The following SMARCC1 variants were observed in gnomAD, a reference collection of about 807,000 sequenced individuals.
SMARCC1 encodes SWI/SNF related BAF chromatin remodeling complex subunit C1.
In SMARCC1, 43 loss-of-function variants were observed where a neutral mutation model predicts 147.4. The observed-to-expected ratio is 0.29, with a 90% CI of 0.23 to 0.38. The LOEUF is 0.38. Ranked by LOEUF, SMARCC1 falls within the 10% of genes least tolerant of loss-of-function variation. The pLI is 1.00. For missense variants in SMARCC1, 1,119 were observed against 1,381.1 expected (o/e 0.81, Z 3.01); for synonymous variants, 495 against 484.4 (o/e 1.02, Z -0.29).
intron 20 of SMARCC1, 41 bp downstream of exon 20, chr3:47,662,293 T>C: frequency 6.4e-7 from 1 of 1,566,718 alleles, no homozygotes; most frequent in Non-Finnish European, 8.7e-7. Context: ...TGGGATAAAC[T>C]GAGTTTTTCT....
chr3:47,621,229 G>C (rs757830016), intron 25 of SMARCC1, among the ~76,000 whole-genome samples: 3 of 151,626 alleles, frequency 2.0e-5, no homozygotes, highest in African/African-American at 7.3e-5. Flanking sequence ...GAACCTAGGA[G>C]GCAGAGGTTG....
intron 23 of SMARCC1, 34 bp from the exon 24 acceptor site, chr3:47,635,378 C>T (rs776993997): frequency 5.0e-6 from 8 of 1,594,922 alleles, no homozygotes; most frequent in African/African-American, 4.1e-5. Context: ...TACTAGCGTG[C>T]CCACTCTCGA....
chr3:47,648,427 C>A (rs1472867578), intron 21 of SMARCC1, among the ~76,000 whole-genome samples: 1 of 152,100 alleles, frequency 6.6e-6, no homozygotes, highest in Non-Finnish European at 1.5e-5. Context: ...TGTTCTGTCA[C>A]CCAGGCTGGA....
chr3:47,765,754 A>C (rs1411450780), intron 2 of SMARCC1, among the ~76,000 whole-genome samples: 1 of 148,434 alleles, frequency 6.7e-6, no homozygotes, highest in Non-Finnish European at 1.5e-5. Context: ...TTTTTTTGAG[A>C]TGGAGTCTCA....
intron 1 of SMARCC1, among the ~76,000 whole-genome samples, chr3:47,774,255 G>C (rs960708256): frequency 1.3e-5 from 1 of 74,348 alleles, no homozygotes; most frequent in African/African-American, 5.1e-5. Context: ...TTTTTTTTTT[G>C]AGATGGGGTC....
In SMARCC1 at chr3:47,738,082, G is replaced by A; in HGVS notation, c.430C>T (p.Arg144Ter). 1 of 1,590,042 alleles carries A rather than the reference G, an allele frequency of 6.3e-7. No homozygotes were observed. Among genetic ancestry groups the A allele is most frequent in the African/African-American group, 1.4e-5 (1 of 73,432 alleles). The change falls in exon 4 of 28, where the codon CGA (arginine) becomes TGA (stop). Residue 144 changes from arginine (R) to a stop codon, truncating the protein, a stop_gained. Coordinates refer to ENST00000254480, the MANE Select transcript of SMARCC1 (RefSeq NM_003074.4). LOFTEE classifies it high-confidence loss of function. ...AACATTTCCACATTACGATCCATTC[G>A]AGATGGGTTCTGTAGGTCAAACCTC... ...WRRFDLQNPS[R>*]MDRNVEMFMN... is the part of the protein sequence containing the mutation.
Position 47,714,409 on chromosome 3 carries a change from A to G in SMARCC1, c.792+6T>C. On this transcript the variant is annotated splice_donor_region_variant and intron_variant, in intron 8 of 27. Transcript: ENST00000254480. ...ATTGTAAGATTTTTTTTGTTAAATC[A>G]TTTACCTTCCATGGTTTTTCTGGAA... The G allele has an allele frequency of 6.5e-7, 1 of 1,539,016 alleles. No individual in the cohort carries two copies. Among genetic ancestry groups the G allele is most frequent in the Non-Finnish European group, 8.9e-7 (1 of 1,118,652 alleles).
chr3:47,588,164 T>C lies in SMARCC1; in HGVS notation c.*45A>G. ...GGAACACAAGTCTTGTCATCCCCAC[T>C]CCAGCTCATGGTGGTGGGCGTGGAG... On this transcript the variant is annotated 3_prime_UTR_variant, in exon 28 of 28. Coordinates refer to ENST00000254480, the MANE Select transcript of SMARCC1 (RefSeq NM_003074.4). 2 of 1,440,640 alleles carry C rather than the reference T, an allele frequency of 1.4e-6. No individual in the cohort carries two copies. The highest frequency in any genetic ancestry group is 1.9e-6 in the Non-Finnish European group (2 of 1,030,438). 89.2% of individuals were successfully genotyped at this position (1,440,640 alleles called of 1,614,324 possible). A position where few individuals can be genotyped will look rare whatever the true frequency, so the allele number is the denominator to read the frequency against.
intron 18 of SMARCC1, among the ~76,000 whole-genome samples, chr3:47,672,834 A>G (rs934157737): frequency 5.3e-5 from 8 of 152,112 alleles, no homozygotes; most frequent in Non-Finnish European, 8.8e-5. Flanking sequence ...GCTGGAGTGC[A>G]GTGTCATGAA....
chr3:47,653,344 C>A (rs919186852), intron 21 of SMARCC1, among the ~76,000 whole-genome samples: 2 of 152,154 alleles, frequency 1.3e-5, no homozygotes, highest in African/African-American at 2.4e-5. Context: ...ATGACAGGAA[C>A]CCAAAACAAG....
chr3:47,764,891 T>G (rs906974725), intron 2 of SMARCC1, among the ~76,000 whole-genome samples: 1 of 152,106 alleles, frequency 6.6e-6, no homozygotes, highest in Admixed American at 6.6e-5. Flanking sequence ...AGTACAAAAT[T>G]CAAAAACAAG....
At chr3:47,679,660 G>A (rs1024565298) in intron 15 of SMARCC1, among the ~76,000 whole-genome samples, 2 of 152,048 alleles carry the variant, frequency 1.3e-5, no homozygotes, top group East Asian at 1.9e-4. Flanking sequence ...TCAGGAGTTC[G>A]AGACAAGCCT....
intron 24 of SMARCC1, among the ~76,000 whole-genome samples, chr3:47,631,078 G>A (rs1395186878): frequency 1.3e-5 from 2 of 151,838 alleles, no homozygotes; most frequent in Admixed American, 1.3e-4. Context: ...AAGCAAGCAA[G>A]AGAGTGAGAG....
chr3:47,607,565 C>T (rs911981570), intron 26 of SMARCC1, among the ~76,000 whole-genome samples: 2 of 152,110 alleles, frequency 1.3e-5, no homozygotes, highest in Non-Finnish European at 2.9e-5. Flanking sequence ...ATATATATTG[C>T]CCTCTAAGAA....
chr3:47,686,209 TAC>T, intron 13 of SMARCC1, 39 bp from the exon 14 acceptor site: 1 of 1,549,812 alleles, frequency 6.5e-7, no homozygotes, highest in South Asian at 1.1e-5. Flanking sequence ...AAGAAAGAAC[TAC>T]AGAGAGAGAT....
chr3:47,769,222 A>C lies in SMARCC1; in HGVS notation c.315+3595T>G, dbSNP rs1193983725. 5.6e-3 allele frequency among the ~76,000 whole-genome samples: 846 copies of C among 150,532 alleles called. 11 individuals are homozygous for C. Among genetic ancestry groups the C allele is most frequent in the Middle Eastern group, 0.017 (5 of 290 alleles). On this transcript the variant is annotated intron_variant, in intron 2 of 27. Coordinates refer to ENST00000254480, the MANE Select transcript of SMARCC1 (RefSeq NM_003074.4). ...CGAGACTCCGTCTCAAAAAAAAAAA[A>C]AAAAAAAAAAAGGGCCGGGCACAGT...
Position 47,608,616 on chromosome 3 carries a change from C to T in SMARCC1, c.3043+1450G>A, listed in dbSNP as rs549578410. ...ATCCCAGCACTTTGGAAGGTCGAGG[C>T]GGAAGGATTGCTTGAGCCCAGAAGT... On this transcript the variant is annotated intron_variant, in intron 26 of 27. Transcript: ENST00000254480. 2.6e-5 allele frequency among the ~76,000 whole-genome samples: 4 copies of T among 151,940 alleles called. No homozygotes were observed. The East Asian group carries it at 7.8e-4, about 29-fold the overall frequency.
At chr3:47,594,195 G>A (rs539206930) in intron 26 of SMARCC1, among the ~76,000 whole-genome samples, 1 of 151,498 alleles carries the variant, frequency 6.6e-6, no homozygotes, top group South Asian at 2.1e-4. Flanking sequence ...GGGTAGTCCA[G>A]TCTTCTAGGG....
intron 2 of SMARCC1, among the ~76,000 whole-genome samples, chr3:47,768,616 A>G (rs1380368331): frequency 1.3e-5 from 2 of 152,200 alleles, no homozygotes; most frequent in African/African-American, 4.8e-5. Flanking sequence ...ATCAATATGT[A>G]CTATATTATA....
Sources: gnomAD v4.1 joint callset for allele counts (sites outside exome capture counted in the v4.1 genomes callset) on GRCh38, gnomAD v4.1.1 for gene constraint, MANE v1.5 for transcripts, NCBI Gene and HGNC (gene_info 2026-07-23, HGNC 2026-07-21) for gene names.